GALNT9: variants seen among roughly 807,000 people sequenced by gnomAD.
GALNT9 encodes the protein GalNAc transferase 9.
In GALNT9, 47 loss-of-function variants were observed where a neutral mutation model predicts 63.1. The observed-to-expected ratio is 0.75, with a 90% CI of 0.59 to 0.95. The LOEUF is 0.95. Among genes scored for constraint, GALNT9 ranks in the 40% least tolerant of loss-of-function variants. The pLI, the probability that GALNT9 is intolerant of heterozygous loss-of-function variation, is 0.00. For synonymous variants in GALNT9, 396 were observed against 365.7 expected (o/e 1.08, Z -0.94); for missense variants, 829 against 874.8 (o/e 0.95, Z 0.66).
At chr12:132,304,905 A>G (rs1458930497) in intron 1 of GALNT9, among the ~76,000 whole-genome samples, 10 of 18,190 alleles carry the variant, frequency 5.5e-4, no homozygotes, top group African/African-American at 5.2e-4. Flanking sequence ...CCTCGCCCGG[A>G]CACGCCCTCA....
At chr12:132,318,853 A>T (rs1566023826) in intron 1 of GALNT9, among the ~76,000 whole-genome samples, 1 of 151,724 alleles carries the variant, frequency 6.6e-6, no homozygotes, top group Non-Finnish European at 1.5e-5. Flanking sequence ...CCCACAGGGC[A>T]CTCCTCCCGC....
At chr12:132,305,454 G>C (rs180752550) in intron 1 of GALNT9, among the ~76,000 whole-genome samples, 4 of 29,296 alleles carry the variant, frequency 1.4e-4, no homozygotes, top group Non-Finnish European at 2.3e-4. Context: ...CCCAGACACA[G>C]CCTGACCTGG....
At chr12:132,211,702 C>T in intron 6 of GALNT9, among the ~76,000 whole-genome samples, 1 of 152,236 alleles carries the variant, frequency 6.6e-6, no homozygotes, top group East Asian at 1.9e-4. Context: ...GCATTTCCCC[C>T]TCTCCGTCGA....
At chr12:132,257,935 C>CT in intron 4 of GALNT9, 49 bp from the exon 5 acceptor site, 1 of 1,311,788 alleles carries the variant, frequency 7.6e-7, no homozygotes, top group Non-Finnish European at 1.0e-6. Flanking sequence ...CACCGCATTC[C>CT]CTGAGGAGGG....
At chr12:132,317,499 C>T (rs1230697866) in intron 1 of GALNT9, among the ~76,000 whole-genome samples, 3 of 152,230 alleles carry the variant, frequency 2.0e-5, no homozygotes, top group Middle Eastern at 3.2e-3. Flanking sequence ...AGGAGACCTG[C>T]GGTTTTTATG....
At chr12:132,258,576 G>T (rs889389645) in intron 4 of GALNT9, among the ~76,000 whole-genome samples, 13 of 152,232 alleles carry the variant, frequency 8.5e-5, no homozygotes, top group Non-Finnish European at 1.8e-4. Context: ...CTGGAAGGAG[G>T]CATAGAGGGA....
intron 6 of GALNT9, among the ~76,000 whole-genome samples, chr12:132,211,937 G>A (rs1876971037): frequency 6.6e-6 from 1 of 152,378 alleles, no homozygotes; most frequent in African/African-American, 2.4e-5. Flanking sequence ...AGGAGGTGAA[G>A]GTCCCATTAT....
At chr12:132,241,565 A>ACGC (rs1878357274) in intron 6 of GALNT9, among the ~76,000 whole-genome samples, 1 of 102,940 alleles carries the variant, frequency 9.7e-6, no homozygotes, top group Non-Finnish European at 2.0e-5. Context: ...CATTACACAC[A>ACGC]CACCACACCC....
intron 2 of GALNT9, chr12:132,284,500 A>C (rs1880511088): frequency 6.6e-6 from 1 of 152,240 alleles, no homozygotes; most frequent in South Asian, 2.1e-4. Context: ...TTTTTATTTG[A>C]AAGGGAATCT....
At position 132,209,367 on chromosome 12, in the gene GALNT9, A is replaced by AAAT. The variant is rs1565987309; in HGVS notation, c.1078-5678_1078-5677insATT. On this transcript the variant is annotated intron_variant, in intron 6 of 10. Coordinates refer to ENST00000328957, the MANE Select transcript of GALNT9 (RefSeq NM_001122636.2). ...TGGTGAAATGCCGTCTTTACTAAAA[A>AAAT]AAATAAATAAATAAATAAATAAAAA... 4.6e-3 allele frequency among the ~76,000 whole-genome samples: 665 copies of AAAT among 143,182 alleles called. 15 individuals are homozygous for AAAT. The East Asian group carries it at 0.066, about 14-fold the overall frequency. The allele number at this position is 143,182 out of a possible 152,430, so 93.9% of individuals were successfully genotyped here.
chr12:132,226,636 C>T (rs1192812589), intron 6 of GALNT9, among the ~76,000 whole-genome samples: 3 of 134,322 alleles, frequency 2.2e-5, no homozygotes, highest in Admixed American at 7.4e-5. Context: ...ACCCCACATG[C>T]ACCCCATGCA....
At chr12:132,278,264 C>T (rs1299358560) in intron 2 of GALNT9, 1 of 152,234 alleles carries the variant, frequency 6.6e-6, no homozygotes, top group African/African-American at 2.4e-5. Flanking sequence ...CTGGGTATGT[C>T]TCAAGGTGTG....
chr12:132,316,084 A>G lies in GALNT9; in HGVS notation c.238+12882T>C, dbSNP rs1277667501. ...GTCTTGGGTTCCGTCATGTTTCCTCATCAGCCTTTCGCCTCCTCTCTCACT... is the reference window on the plus strand; with the variant it reads ...GTCTTGGGTTCCGTCATGTTTCCTCGTCAGCCTTTCGCCTCCTCTCTCACT... On this transcript the variant is annotated intron_variant, in intron 1 of 10. Coordinates refer to ENST00000328957, the MANE Select transcript of GALNT9 (RefSeq NM_001122636.2). This position sits in a 1 kb window ranked among gnomAD's most constrained non-coding sequence, Gnocchi z 4.3. Among the ~76,000 whole-genome samples the G allele has an allele frequency of 6.6e-6, 1 of 152,018 alleles. No homozygotes were observed. The highest frequency in any genetic ancestry group is 2.4e-5 in the African/African-American group (1 of 41,384).
chr12:132,295,777 A>T (rs1555243161), intron 1 of GALNT9, among the ~76,000 whole-genome samples: 1 of 151,984 alleles, frequency 6.6e-6, no homozygotes, highest in Non-Finnish European at 1.5e-5. Context: ...AGAGCTTCCG[A>T]ACAGGGACAG....
chr12:132,219,933 G>GGGT (rs1877385916), intron 6 of GALNT9, among the ~76,000 whole-genome samples: 1 of 151,612 alleles, frequency 6.6e-6, no homozygotes, highest in African/African-American at 2.4e-5. Flanking sequence ...TCCCCAGGGT[G>GGGT]ACACCCGCCT....
chr12:132,294,914 C>T (rs1399709771), intron 1 of GALNT9, among the ~76,000 whole-genome samples: 1 of 152,264 alleles, frequency 6.6e-6, no homozygotes, highest in Admixed American at 6.5e-5. Context: ...AGCGTGGCCT[C>T]ATATCTTCTT....
At chr12:132,267,871 C>T (rs981309601) in intron 2 of GALNT9, among the ~76,000 whole-genome samples, 7 of 135,186 alleles carry the variant, frequency 5.2e-5, no homozygotes, top group Non-Finnish European at 1.1e-4. Context: ...CACACGCATA[C>T]AACCCACATG....
At chr12:132,326,207 G>A (rs1869030143) in intron 1 of GALNT9, among the ~76,000 whole-genome samples, 2 of 152,258 alleles carry the variant, frequency 1.3e-5, no homozygotes, top group South Asian at 4.1e-4. Flanking sequence ...TGAGTTTAGA[G>A]GCTCTGAAAT....
intron 1 of GALNT9, among the ~76,000 whole-genome samples, chr12:132,318,663 C>T (rs181753201): frequency 1.3e-3 from 202 of 152,374 alleles, no homozygotes; most frequent in Non-Finnish European, 2.6e-3. Flanking sequence ...GACCTCCCAG[C>T]TGGGCCTGCA....
Sources: gnomAD v4.1 joint callset for allele counts (sites outside exome capture counted in the v4.1 genomes callset) on GRCh38, gnomAD v4.1.1 for gene constraint, Gnocchi (gnomAD v3.1) non-coding constraint, MANE v1.5 for transcripts, NCBI Gene and HGNC (gene_info 2026-07-23, HGNC 2026-07-21) for gene names.